Variants in NOTCH3 observed in about 807,000 individuals in gnomAD.
NOTCH3 encodes the protein notch receptor 3.
In NOTCH3, 86 loss-of-function variants were observed where a neutral mutation model predicts 213.3. That is an observed-to-expected ratio of 0.40 (90% CI 0.34 to 0.48). The LOEUF (loss-of-function observed/expected upper bound fraction) is 0.48, where lower values mean the gene tolerates loss of function less well. NOTCH3 is among the 20% of genes least tolerant of loss of function. The pLI, the probability that NOTCH3 is intolerant of heterozygous loss-of-function variation, is 0.57. For missense variants in NOTCH3, 2,783 were observed against 3,272.6 expected, an observed-to-expected ratio of 0.85 and a Z score of 3.65; for synonymous variants, 1,354 against 1,355.9, an observed-to-expected ratio of 1.00 and a Z score of 0.03.
In NOTCH3 at chr19:15,185,758, G is replaced by A. The variant is rs1227849152; in HGVS notation, c.1952-79C>T. 1.8e-5 allele frequency: 25 copies of A among 1,377,540 alleles called. No homozygotes were observed. Among genetic ancestry groups the A allele is most frequent in the Non-Finnish European group, 2.6e-5 (25 of 978,286 alleles). 85.3% of individuals were successfully genotyped at this position (1,377,540 alleles called of 1,614,324 possible). ...GGGAGGGACGACGTGACCCCACTTA[G>A]CACACCCACACCCCCGAGCAATGAC... On this transcript the variant is annotated intron_variant, in intron 12 of 32. Transcript: ENST00000263388. The surrounding 1 kb of genome is among the most constrained non-coding windows in gnomAD (Gnocchi z 4.2).
At position 15,173,104 on chromosome 19, in the gene NOTCH3, CT is replaced by C. The variant is rs1162467192; in HGVS notation, c.4736+963del. On this transcript the variant is annotated intron_variant, in intron 25 of 32. Coordinates refer to ENST00000263388, the MANE Select transcript of NOTCH3 (RefSeq NM_000435.3). Reference sequence around the variant, plus strand: ...TCTTCTTCTTCTTCTTCTTCTTCTTCTTTTTTTTTTTTTTTTTTTTTTTTAA... The same window carrying C: ...TCTTCTTCTTCTTCTTCTTCTTCTTCTTTTTTTTTTTTTTTTTTTTTTTAA... Among the ~76,000 whole-genome samples the C allele has an allele frequency of 3.6e-4, 7 of 19,252 alleles. 1 individual carries two copies. The East Asian group carries it at 3.9e-3, about 11-fold the overall frequency. 12.6% of individuals were successfully genotyped at this position (19,252 alleles called of 152,430 possible). A position where few individuals can be genotyped will look rare whatever the true frequency, so the allele number is the denominator to read the frequency against.
Position 15,185,510 on chromosome 19 carries a change from G to A in NOTCH3, c.2121C>T (p.Gly707=), listed in dbSNP as rs2046874030. The change falls in exon 13 of 33, where the codon GGC becomes GGT. Residue 707 remains glycine, a synonymous_variant. Coordinates refer to ENST00000263388, the MANE Select transcript of NOTCH3 (RefSeq NM_000435.3). The surrounding 1 kb of genome is among the most constrained non-coding windows in gnomAD (Gnocchi z 4.2). ...ACCCGCCAGGTGCATCATAGCAGAT[G>A]CCGTGACTGCAGGGCTCATGGGCAC... is the stretch of plus-strand genomic sequence containing the variant. ...HPCAHEPCSH[G]ICYDAPGGFR... 3 of 1,613,582 alleles carry A rather than the reference G, an allele frequency of 1.9e-6. No homozygotes were observed. The highest frequency in any genetic ancestry group is 1.7e-5 in the Admixed American group (1 of 59,986).
At chr19:15,197,441 G>GCCCCCCCCCCCCCCCCCC in intron 2 of NOTCH3, 59 bp downstream of exon 2, 36 of 768,350 alleles carry the variant, frequency 4.7e-5, no homozygotes, top group East Asian at 8.2e-5. Flanking sequence ...AAGACAAATC[G>GCCCCCCCCCCCCCCCCCC]CCCCTCCCCC....
Position 15,177,616 on chromosome 19 carries a change from T to TG in NOTCH3, c.4311dup (p.Asn1438GlnfsTer125). On this transcript the variant is annotated frameshift_variant, in exon 24 of 33. Transcript: ENST00000263388. LOFTEE classifies it high-confidence loss of function. ...CAGGCGGGGTCGCAGCGGCTGTTGTTGAAGAGGCGCCAGCACTGCAGCGCC... is the reference window on the plus strand; with the variant it reads ...CAGGCGGGGTCGCAGCGGCTGTTGTTGGAAGAGGCGCCAGCACTGCAGCGCC... 1 of 1,590,728 alleles carries TG rather than the reference T, an allele frequency of 6.3e-7. No homozygotes were observed. The highest frequency in any genetic ancestry group is 2.3e-5 in the East Asian group (1 of 43,370).
rs56916343 is a variant in NOTCH3 at position 15,169,186 on chromosome 19, G to GTCTCTCTC, written c.5199+892_5199+899dup. Reference sequence around the variant, plus strand: ...AAGAAGAGGATGGGATGTCAAATCTGTCTCTCTCTCTCTCTCTCTCTCTCT... The same window carrying GTCTCTCTC: ...AAGAAGAGGATGGGATGTCAAATCTGTCTCTCTCTCTCTCTCTCTCTCTCTCTCTCTCT... On this transcript the variant is annotated intron_variant, in intron 28 of 32. Coordinates refer to ENST00000263388, the MANE Select transcript of NOTCH3 (RefSeq NM_000435.3). Among the ~76,000 whole-genome samples, 1,404 of 146,646 alleles carry GTCTCTCTC rather than the reference G, an allele frequency of 9.6e-3. 15 individuals are homozygous for GTCTCTCTC. Among genetic ancestry groups the GTCTCTCTC allele is most frequent in the Admixed American group, 0.014 (203 of 14,430 alleles).
At position 15,161,111 on chromosome 19, in the gene NOTCH3, C is replaced by A. The variant is rs2046637879; in HGVS notation, c.6517G>T (p.Ala2173Ser). ...GGAGGGGCAGGTGGGGGCAGCCGGG[C>A]CCAATCGAGGGGCACAGCCACAGGG... Reference protein sequence around the residue: ...LNPVAVPLDWARLPPPAPPGP... With the variant: ...LNPVAVPLDWSRLPPPAPPGP... Residue 2173 changes from alanine (A) to serine (S), a missense_variant, in exon 33 of 33, where the codon GCC (alanine) becomes TCC (serine). Physicochemically the swap from Ala to Ser is moderately conservative, Grantham distance 99 (BLOSUM62 1). Transcript: ENST00000263388. The A allele has an allele frequency of 6.5e-7, 1 of 1,539,430 alleles. No individual in the cohort carries two copies. The highest frequency in any genetic ancestry group is 1.4e-5 in the African/African-American group (1 of 73,378).
chr19:15,165,403 G>C lies in NOTCH3; in HGVS notation c.5780C>G (p.Ala1927Gly), dbSNP rs779708449. The change falls in exon 31 of 33, where the codon GCC (alanine) becomes GGC (glycine). Residue 1927 changes from alanine to glycine, a missense_variant. By Grantham distance (60) the Ala-to-Gly change is moderately conservative. This residue lies in a region of NOTCH3 where 636 missense variants were observed against 801.8 expected (regional missense o/e 0.79). Coordinates refer to ENST00000263388, the MANE Select transcript of NOTCH3 (RefSeq NM_000435.3). This position sits in a 1 kb window ranked among gnomAD's most constrained non-coding sequence, Gnocchi z 4.7. ...AVEGMVEELI[A>G]SHADVNAVDE... ...CACAGCATTGACATCAGCATGGCTGGCGATGAGCTCTTCCACCATGCCCTC... is the reference window on the plus strand; with the variant it reads ...CACAGCATTGACATCAGCATGGCTGCCGATGAGCTCTTCCACCATGCCCTC... 1.1e-5 allele frequency: 17 copies of C among 1,609,910 alleles called. No homozygotes were observed. In the East Asian group the frequency reaches 3.1e-4, roughly 30 times the overall value.
Position 15,185,254 on chromosome 19 carries a change from C to A in NOTCH3, c.2296+3G>T, listed in dbSNP as rs2145429314. ...GGCTGCAGAGGGAAGGTGAGGTACA[C>A]ACCCTGGACACCAGGCGGGCAGGTG... On this transcript the variant is annotated splice_donor_region_variant and intron_variant, in intron 14 of 32. Transcript: ENST00000263388. This position sits in a 1 kb window ranked among gnomAD's most constrained non-coding sequence, Gnocchi z 4.2. 1.2e-6 allele frequency: 2 copies of A among 1,613,128 alleles called. No homozygotes were observed. The highest frequency in any genetic ancestry group is 1.7e-6 in the Non-Finnish European group (2 of 1,179,986).
chr19:15,166,351 G>A lies in NOTCH3; in HGVS notation c.5363-260C>T, dbSNP rs778933159. 2.1e-4 allele frequency among the ~76,000 whole-genome samples: 32 copies of A among 151,946 alleles called. 1 individual carries two copies. Among genetic ancestry groups the A allele is most frequent in the Admixed American group, 1.0e-3 (16 of 15,240 alleles). ...TGCAACCTCCAGTAAATTCCCAAAG[G>A]GTTATTCCACCTTGATCCTCCAAAG... On this transcript the variant is annotated intron_variant, in intron 29 of 32. Transcript: ENST00000263388.
chr19:15,172,598 C>A (rs1051479255), intron 25 of NOTCH3, among the ~76,000 whole-genome samples: 1 of 151,986 alleles, frequency 6.6e-6, no homozygotes, highest in Non-Finnish European at 1.5e-5. Context: ...TTCTCCTCAA[C>A]AATAGCTACA....
At chr19:15,190,103 G>A (rs970327803) in intron 6 of NOTCH3, among the ~76,000 whole-genome samples, 12 of 148,132 alleles carry the variant, frequency 8.1e-5, no homozygotes, top group Non-Finnish European at 1.2e-4. Flanking sequence ...AGTGAGACCC[G>A]TCTCTACAAA....
intron 2 of NOTCH3, 55 bp downstream of exon 2, chr19:15,197,445 C>CCCCCCCCCCCCCCCCCCCCCA: frequency 3.9e-6 from 3 of 771,208 alleles, no homozygotes; most frequent in Non-Finnish European, 6.9e-6. Flanking sequence ...CAAATCGCCC[C>CCCCCCCCCCCCCCCCCCCCCA]TCCCCCCCGC....
chr19:15,162,655 G>C (rs1396094308), intron 31 of NOTCH3, 93 bp from the exon 32 acceptor site: 2 of 901,666 alleles, frequency 2.2e-6, no homozygotes, highest in Non-Finnish European at 3.6e-6. Context: ...GTGGCCTAGG[G>C]GTAGAGGAGG....
Position 15,191,574 on chromosome 19 carries a change from C to T in NOTCH3, c.886G>A (p.Gly296Ser). Reference sequence around the variant, plus strand: ...TTGACACACACGCAGCTGTGGCCACCCAGCGTGTTGAAGCAGGTACCCCCA... The same window carrying T: ...TTGACACACACGCAGCTGTGGCCACTCAGCGTGTTGAAGCAGGTACCCCCA... The part of the protein sequence containing the change: ...HNGGTCFNTL[G>S]GHSCVCVNGW... Residue 296 changes from glycine (G) to serine (S), a missense_variant, in exon 6 of 33, where the codon GGT (glycine) becomes AGT (serine). Gly to Ser is a moderately conservative substitution (Grantham distance 56). Coordinates refer to ENST00000263388, the MANE Select transcript of NOTCH3 (RefSeq NM_000435.3). 6.2e-7 allele frequency: 1 copy of T among 1,613,694 alleles called. No individual in the cohort carries two copies. The highest frequency in any genetic ancestry group is 8.5e-7 in the Non-Finnish European group (1 of 1,180,026).
In NOTCH3 at chr19:15,191,496, C is replaced by G; in HGVS notation, c.964G>C (p.Val322Leu). The G allele has an allele frequency of 6.2e-7, 1 of 1,613,194 alleles. No individual in the cohort carries two copies. Among genetic ancestry groups the G allele is most frequent in the Non-Finnish European group, 8.5e-7 (1 of 1,180,006 alleles). The change falls in exon 6 of 33, where the codon GTG becomes CTG. Residue 322 changes from valine (V) to leucine (L), a missense_variant. Val to Leu is a conservative substitution (Grantham distance 32). Coordinates refer to ENST00000263388, the MANE Select transcript of NOTCH3 (RefSeq NM_000435.3). ...TGGCAGGTGGCCCCATGGAAGCACACGGCTGTGGCACAGTCATCGATATTC... is the reference window on the plus strand; with the variant it reads ...TGGCAGGTGGCCCCATGGAAGCACAGGGCTGTGGCACAGTCATCGATATTC... The part of the protein sequence containing the change: ...SQNIDDCATA[V>L]CFHGATCHDR...
intron 12 of NOTCH3, among the ~76,000 whole-genome samples, chr19:15,186,675 G>C (rs1052355289): frequency 6.6e-6 from 1 of 152,192 alleles, no homozygotes; most frequent in Non-Finnish European, 1.5e-5. Flanking sequence ...AGAGCGCTGG[G>C]ATTACAGGCG....
At chr19:15,167,444 C>T in intron 28 of NOTCH3, 33 bp from the exon 29 acceptor site, 1 of 1,598,248 alleles carries the variant, frequency 6.3e-7, no homozygotes, top group Non-Finnish European at 8.5e-7. Flanking sequence ...TCTCAGATCT[C>T]ACCCTTTGGT....
intron 1 of NOTCH3, among the ~76,000 whole-genome samples, 168 bp from the exon 2 acceptor site, chr19:15,197,746 C>G (rs967774751): frequency 7.2e-6 from 1 of 138,608 alleles, no homozygotes; most frequent in African/African-American, 2.6e-5. Flanking sequence ...CCCCCCCCCC[C>G]CCGCCCCAGC....
intron 25 of NOTCH3, 76 bp downstream of exon 25, chr19:15,173,992 G>T: frequency 7.8e-7 from 1 of 1,288,218 alleles, no homozygotes; most frequent in Non-Finnish European, 1.1e-6. Flanking sequence ...TAAGTGAAAT[G>T]AAACACACAA....
Sources: gnomAD v4.1 joint callset for allele counts (sites outside exome capture counted in the v4.1 genomes callset) on GRCh38, gnomAD v4.1.1 for gene constraint, gnomAD v4.1.1 regional missense constraint, Gnocchi (gnomAD v3.1) non-coding constraint, MANE v1.5 for transcripts, NCBI Gene and HGNC (gene_info 2026-07-23, HGNC 2026-07-21) for gene names.